Variants in TSC2 observed in about 807,000 individuals in gnomAD.
The protein encoded by TSC2 is TSC complex subunit 2.
Under a neutral mutation model 202.2 loss-of-function variants are expected in TSC2, and 29 were observed. That is an observed-to-expected ratio of 0.14 (90% CI 0.11 to 0.20). The LOEUF (loss-of-function observed/expected upper bound fraction) is 0.20. Ranked by LOEUF, TSC2 falls within the 10% of genes least tolerant of loss-of-function variation. The pLI, the probability that TSC2 is intolerant of heterozygous loss-of-function variation, is 1.00. For missense variants in TSC2, 2,429 were observed against 2,420.0 expected (o/e 1.00, Z -0.08); for synonymous variants, 1,349 against 1,044.0 (o/e 1.29, Z -5.63).
intron 35 of TSC2, 96 bp downstream of exon 35, chr16:2,085,122 G>T: frequency 1.2e-6 from 2 of 1,602,150 alleles, no homozygotes; most frequent in Non-Finnish European, 8.5e-7. Flanking sequence ...CAGGCTTGCA[G>T]AGGGCTCTGG....
intron 1 of TSC2, chr16:2,048,322 A>G (rs2084617815): frequency 3.1e-6 from 3 of 968,308 alleles, no homozygotes; most frequent in East Asian, 2.6e-5. Context: ...TCGCGGCGGC[A>G]GTCCTAACCC....
At position 2,088,881 on chromosome 16, in the gene TSC2, G is replaced by GCGCGCGCACACACACACACACACA. The variant is rs142285430; in HGVS notation, c.*272_*273insGCGCGCACACACACACACACACAC. On this transcript the variant is annotated 3_prime_UTR_variant, in exon 42 of 42. Transcript: ENST00000219476. ...ACAGCACACTCGCGCGTGCGCGCGCGCACACACACACACACACAGTCACCT... is the reference window on the plus strand; with the variant it reads ...ACAGCACACTCGCGCGTGCGCGCGCGCGCGCGCACACACACACACACACACACACACACACACACACAGTCACCT... The GCGCGCGCACACACACACACACACA allele has an allele frequency of 3.1e-4, 130 of 421,466 alleles. No individual in the cohort carries two copies. The highest frequency in any genetic ancestry group is 2.7e-3 in the African/African-American group (120 of 44,668). 26.1% of individuals were successfully genotyped at this position (421,466 alleles called of 1,614,324 possible). A position where few individuals can be genotyped will look rare whatever the true frequency, so the allele number is the denominator to read the frequency against.
chr16:2,048,401 T>C, intron 1 of TSC2, 186 bp from the exon 2 acceptor site: 1 of 861,256 alleles, frequency 1.2e-6, no homozygotes. Context: ...GCCTGGTGTC[T>C]CCCGGGCTTT....
At chr16:2,070,175 G>A (rs1032550518) in intron 16 of TSC2, among the ~76,000 whole-genome samples, 10 of 152,096 alleles carry the variant, frequency 6.6e-5, no homozygotes, top group Admixed American at 4.6e-4. Flanking sequence ...CACACTCCCC[G>A]CCCCATTCTG....
At chr16:2,055,759 T>G (rs531454197) in intron 6 of TSC2, 11 of 487,270 alleles carry the variant, frequency 2.3e-5, no homozygotes, top group Non-Finnish European at 3.4e-5. Flanking sequence ...GGCATGGTGG[T>G]GGGAGCCTGT....
intron 30 of TSC2, 39 bp downstream of exon 30, chr16:2,080,416 A>G (rs1392621662): frequency 6.2e-7 from 1 of 1,603,646 alleles, no homozygotes; most frequent in Non-Finnish European, 8.5e-7. Flanking sequence ...TCTTTCTGCC[A>G]GTCACCCACA....
intron 10 of TSC2, 129 bp downstream of exon 10, chr16:2,059,002 C>G: frequency 6.9e-7 from 1 of 1,442,694 alleles, no homozygotes; most frequent in Non-Finnish European, 9.4e-7. Context: ...CAGGCAGTTG[C>G]TTTGCAGCTG....
In TSC2 at chr16:2,061,979, C is replaced by T. The variant is rs528727637; in HGVS notation, c.1228C>T (p.Leu410=). 1 of 1,614,178 alleles carries T rather than the reference C, an allele frequency of 6.2e-7. No individual in the cohort carries two copies. ...CGGGTCTCAGGAGAGATACTTTGAA[C>T]TGGTGGAGAGATGTGCGGACCAGAG... is the stretch of plus-strand genomic sequence containing the variant. ...FHGSQERYFE[L]VERCADQRPE... Residue 410 remains leucine, a synonymous_variant, in exon 12 of 42, where the codon CTG becomes TTG. Transcript: ENST00000219476.
chr16:2,088,499 G>A lies in TSC2; in HGVS notation c.5313G>A (p.Pro1771=), dbSNP rs765607686. 47 of 1,612,740 alleles carry A rather than the reference G, an allele frequency of 2.9e-5. No individual in the cohort carries two copies. Among genetic ancestry groups the A allele is most frequent in the Middle Eastern group, 1.6e-4 (1 of 6,062 alleles). ...CCAGCCTACCTCTGGTGCACCCTCC[G>A]TCCCATAGCAAAGCCCCTGCACAGA... ...SNPSLPLVHP[P]SHSKAPAQTP... Residue 1771 remains proline, a synonymous_variant, in exon 42 of 42, where the codon CCG becomes CCA. Coordinates refer to ENST00000219476, the MANE Select transcript of TSC2 (RefSeq NM_000548.5).
chr16:2,067,576 G>A (rs1398770987), intron 16 of TSC2, among the ~76,000 whole-genome samples: 4 of 151,948 alleles, frequency 2.6e-5, no homozygotes, highest in East Asian at 3.9e-4. Flanking sequence ...TTCAAGACCA[G>A]CCTGACCAAC....
chr16:2,060,226 C>T (rs562895194), intron 10 of TSC2, among the ~76,000 whole-genome samples: 2 of 152,284 alleles, frequency 1.3e-5, no homozygotes, highest in African/African-American at 4.8e-5. Context: ...GAGGGTGGGG[C>T]GATCACGTCG....
chr16:2,074,762 C>T (rs889972809), intron 22 of TSC2: 7 of 370,112 alleles, frequency 1.9e-5, no homozygotes, highest in South Asian at 1.2e-4. Context: ...CCCTTCCCCT[C>T]ACCGCCTGTG....
In TSC2 at chr16:2,086,948, C is replaced by T. The variant is rs532957574; in HGVS notation, c.4989+77C>T. Reference sequence around the variant, plus strand: ...GTGTCCCGGGTTGGTGGCAGGTCCTCCTCCCTGAGCTTCGGTCACGAGGAG... The same window carrying T: ...GTGTCCCGGGTTGGTGGCAGGTCCTTCTCCCTGAGCTTCGGTCACGAGGAG... On this transcript the variant is annotated intron_variant, in intron 38 of 41. Coordinates refer to ENST00000219476, the MANE Select transcript of TSC2 (RefSeq NM_000548.5). The T allele has an allele frequency of 3.2e-6, 5 of 1,541,562 alleles. No individual in the cohort carries two copies. In the South Asian group the frequency reaches 3.6e-5, roughly 11 times the overall value.
At chr16:2,080,899 C>T (rs997759211) in intron 30 of TSC2, 9 of 169,116 alleles carry the variant, frequency 5.3e-5, no homozygotes, top group Admixed American at 3.9e-4. Flanking sequence ...GAGTTGCCCT[C>T]CCCGCCTGGA....
chr16:2,073,135 C>T, intron 21 of TSC2, 152 bp downstream of exon 21: 1 of 1,268,298 alleles, frequency 7.9e-7, no homozygotes, highest in Non-Finnish European at 1.1e-6. Flanking sequence ...GCCAGATGCC[C>T]AGAGTGGGGA....
Position 2,081,576 on chromosome 16 carries a change from G to A in TSC2, c.3611-19G>A. ...GGGGAGGTACTGGCCTCAGGCCAAAGGTGCTGCCGCCTCCGCAGGGAACAC... is the reference window on the plus strand; with the variant it reads ...GGGGAGGTACTGGCCTCAGGCCAAAAGTGCTGCCGCCTCCGCAGGGAACAC... On this transcript the variant is annotated intron_variant, in intron 30 of 41. Coordinates refer to ENST00000219476, the MANE Select transcript of TSC2 (RefSeq NM_000548.5). 6.2e-7 allele frequency: 1 copy of A among 1,612,856 alleles called. No homozygotes were observed. Among genetic ancestry groups the A allele is most frequent in the Non-Finnish European group, 8.5e-7 (1 of 1,179,974 alleles).
chr16:2,062,803 C>T (rs2151167592), intron 13 of TSC2, 169 bp from the exon 14 acceptor site: 1 of 932,746 alleles, frequency 1.1e-6, no homozygotes, highest in Non-Finnish European at 1.6e-6. Context: ...TGGGCTCCCT[C>T]TTTTCGGGGG....
At chr16:2,057,020 A>C in intron 8 of TSC2, 85 bp from the exon 9 acceptor site, 1 of 1,519,082 alleles carries the variant, frequency 6.6e-7, no homozygotes, top group Non-Finnish European at 8.9e-7. Context: ...GCTATAGGGC[A>C]GCAGCCAGGC....
chr16:2,061,833 G>C (rs200595349), intron 11 of TSC2, 38 bp from the exon 12 acceptor site: 89 of 1,613,820 alleles, frequency 5.5e-5, no homozygotes, highest in Non-Finnish European at 6.8e-6. Context: ...CATGTGGGGA[G>C]TGGAAGTCAG....
Sources: gnomAD v4.1 joint callset for allele counts (sites outside exome capture counted in the v4.1 genomes callset) on GRCh38, gnomAD v4.1.1 for gene constraint, MANE v1.5 for transcripts, NCBI Gene and HGNC (gene_info 2026-07-23, HGNC 2026-07-21) for gene names.